The following IGSF23 variants were observed in gnomAD, a reference collection of about 807,000 sequenced individuals.
IGSF23 encodes the protein immunoglobulin superfamily member 23, also known as immunoglobulin superfamily, member 23.
IGSF23 carries 14 observed loss-of-function variants against 17.8 expected under a neutral mutation model. The ratio of observed to expected loss-of-function variants is 0.79; its 90% CI spans 0.52 to 1.23. The LOEUF is 1.23. Among genes scored for constraint, IGSF23 ranks in the 50% most tolerant of loss-of-function variants. IGSF23 has a pLI of 0.00. For missense variants in IGSF23, 214 were observed against 241.7 expected (o/e 0.89, Z 0.76); for synonymous variants, 85 against 92.5 (o/e 0.92, Z 0.46).
intron 1 of IGSF23, among the ~76,000 whole-genome samples, chr19:44,622,424 G>C (rs1211556049): frequency 6.6e-6 from 1 of 152,132 alleles, no homozygotes; most frequent in Non-Finnish European, 1.5e-5. Flanking sequence ...CACAGTCTGG[G>C]AGTTCAAATC....
intron 3 of IGSF23, among the ~76,000 whole-genome samples, chr19:44,629,635 T>TTC (rs1198127842): frequency 6.9e-6 from 1 of 145,218 alleles, no homozygotes; most frequent in Non-Finnish European, 1.5e-5. Flanking sequence ...ATGCTTTCTT[T>TTC]TTTTTTTTTT....
chr19:44,630,165 G>A (rs1458682882), intron 3 of IGSF23, among the ~76,000 whole-genome samples: 1 of 152,166 alleles, frequency 6.6e-6, no homozygotes, highest in Admixed American at 6.5e-5. Flanking sequence ...GGTGGTAGTG[G>A]TTTAGGGAGA....
intron 1 of IGSF23, among the ~76,000 whole-genome samples, chr19:44,615,205 C>T (rs567308912): frequency 2.2e-4 from 34 of 152,220 alleles, no homozygotes; most frequent in African/African-American, 7.9e-4. Context: ...AGGAGAATGG[C>T]GTGAACCCGG....
chr19:44,617,766 G>C (rs769657991), intron 1 of IGSF23, among the ~76,000 whole-genome samples: 26 of 152,284 alleles, frequency 1.7e-4, no homozygotes, highest in Non-Finnish European at 2.8e-4. Flanking sequence ...AGTATATGGA[G>C]AGAGACACTC....
In IGSF23 at chr19:44,627,907, G is replaced by A. The variant is rs1188662076; in HGVS notation, c.545+334G>A. ...GATAATAATAGCATCTGACTCTCTGGGTTGTTGGGTTGGGTTGTTGTGAGT... is the reference window on the plus strand; with the variant it reads ...GATAATAATAGCATCTGACTCTCTGAGTTGTTGGGTTGGGTTGTTGTGAGT... On this transcript the variant is annotated intron_variant, in intron 3 of 4. Coordinates refer to ENST00000402988, the MANE Select transcript of IGSF23 (RefSeq NM_001205280.2). Among the ~76,000 whole-genome samples the A allele has an allele frequency of 2.6e-5, 4 of 151,944 alleles. No individual in the cohort carries two copies. The East Asian group carries it at 7.7e-4, about 29-fold the overall frequency.
At chr19:44,627,354 G>A in intron 2 of IGSF23, 66 bp from the exon 3 acceptor site, 2 of 1,408,748 alleles carry the variant, frequency 1.4e-6, no homozygotes, top group Non-Finnish European at 1.9e-6. Context: ...GGAATGGCAG[G>A]AGGGAGGGGT....
chr19:44,624,941 A>T (rs145200791), intron 2 of IGSF23, among the ~76,000 whole-genome samples: 45 of 150,454 alleles, frequency 3.0e-4, no homozygotes, highest in Middle Eastern at 3.5e-3. Context: ...TTAATCAGGC[A>T]TGGTAATGCC....
chr19:44,617,526 C>T (rs1377405401), intron 1 of IGSF23, among the ~76,000 whole-genome samples: 1 of 152,104 alleles, frequency 6.6e-6, no homozygotes, highest in Non-Finnish European at 1.5e-5. Context: ...ACATTGTACA[C>T]CATAAATATA....
intron 3 of IGSF23, 33 bp downstream of exon 3, chr19:44,627,606 A>G: frequency 1.3e-6 from 2 of 1,532,158 alleles, no homozygotes; most frequent in Non-Finnish European, 1.8e-6. Flanking sequence ...TCCACTGGGC[A>G]ACATCCACTC....
intron 1 of IGSF23, among the ~76,000 whole-genome samples, chr19:44,614,974 GCTTC>G (rs1972336698): frequency 1.3e-5 from 2 of 152,142 alleles, no homozygotes; most frequent in South Asian, 4.1e-4. Flanking sequence ...TGAATGAATT[GCTTC>G]CTTATCCAGG....
chr19:44,629,943 G>A (rs12462076), intron 3 of IGSF23, among the ~76,000 whole-genome samples: 1 of 152,080 alleles, frequency 6.6e-6, no homozygotes, highest in South Asian at 2.1e-4. Context: ...ATCTCCATAA[G>A]AGCTGGGGAG....
intron 1 of IGSF23, among the ~76,000 whole-genome samples, chr19:44,615,621 C>CT (rs1351948648): frequency 6.9e-6 from 1 of 145,758 alleles, no homozygotes; most frequent in East Asian, 2.0e-4. Flanking sequence ...GAAACTCCAT[C>CT]TTTAAAAAAA....
intron 3 of IGSF23, among the ~76,000 whole-genome samples, chr19:44,631,736 A>C (rs1023103475): frequency 6.6e-6 from 1 of 152,262 alleles, no homozygotes; most frequent in African/African-American, 2.4e-5. Flanking sequence ...AAATAAAGGC[A>C]TGGGTATGGC....
rs1477075153 is a variant in IGSF23, at chr19:44,613,744, T to C, written c.99T>C (p.Ala33=). 2 of 1,550,448 alleles carry C rather than the reference T, an allele frequency of 1.3e-6. No homozygotes were observed. The highest frequency in any genetic ancestry group is 2.7e-5 in the African/African-American group (2 of 73,112). The change falls in exon 1 of 5, where the codon GCT becomes GCC. Residue 33 remains alanine, a synonymous_variant. Coordinates refer to ENST00000402988, the MANE Select transcript of IGSF23 (RefSeq NM_001205280.2). ...ACCCGATGCTAGAGAAGGATGCGGC[T>C]GGAGGTGACTTCCCAGCCAACTTGG... ...TTDPMLEKDA[A]GGDFPANLVL...
intron 1 of IGSF23, among the ~76,000 whole-genome samples, chr19:44,619,412 G>C (rs535771102): frequency 1.2e-4 from 18 of 152,362 alleles, no homozygotes; most frequent in African/African-American, 3.8e-4. Context: ...AGGTCTGGTA[G>C]CAGCCTTCAA....
At chr19:44,622,160 C>T (rs1305454681) in intron 1 of IGSF23, among the ~76,000 whole-genome samples, 1 of 148,626 alleles carries the variant, frequency 6.7e-6, no homozygotes, top group Admixed American at 6.8e-5. Flanking sequence ...GCAGAGGTTG[C>T]AGTGAGCCAA....
intron 1 of IGSF23, among the ~76,000 whole-genome samples, chr19:44,616,815 A>G (rs1357142622): frequency 1.3e-5 from 2 of 151,250 alleles, no homozygotes; most frequent in Admixed American, 6.6e-5. Flanking sequence ...GTTTTCTGCT[A>G]TAAAAATGGA....
intron 3 of IGSF23, among the ~76,000 whole-genome samples, chr19:44,630,152 G>A (rs181852409): frequency 2.0e-5 from 3 of 152,318 alleles, no homozygotes; most frequent in East Asian, 3.9e-4. Context: ...AGAGAAATCT[G>A]TAGGTGGTAG....
chr19:44,617,624 T>C (rs1279019549), intron 1 of IGSF23, among the ~76,000 whole-genome samples: 2 of 152,216 alleles, frequency 1.3e-5, no homozygotes, highest in East Asian at 3.8e-4. Flanking sequence ...TATGTCACCC[T>C]TTAAAAATGT....
Sources: allele counts gnomAD v4.1 joint callset (sites outside exome capture counted in the v4.1 genomes callset), GRCh38; gene constraint gnomAD v4.1.1; transcripts MANE v1.5; gene names NCBI Gene and HGNC (gene_info 2026-07-23, HGNC 2026-07-21).